The following CADPS2 variants were observed in gnomAD, a reference collection of about 807,000 sequenced individuals.
CADPS2 encodes calcium dependent secretion activator 2, also known as calcium-dependent secretion activator 2.
CADPS2 carries 93 observed loss-of-function variants against 172.5 expected under a neutral mutation model. The observed-to-expected ratio is 0.54, with a 90% CI of 0.46 to 0.64. CADPS2 has a LOEUF of 0.64. CADPS2 is among the 30% of genes least tolerant of loss of function. The pLI, the probability that CADPS2 is intolerant of heterozygous loss-of-function variation, is 0.00. For synonymous variants in CADPS2, 546 were observed against 555.2 expected (o/e 0.98, Z 0.23); for missense variants, 1,420 against 1,565.9 (o/e 0.91, Z 1.57).
intron 19 of CADPS2, among the ~76,000 whole-genome samples, chr7:122,410,713 G>C (rs992651968): frequency 4.3e-5 from 6 of 140,158 alleles, no homozygotes; most frequent in Non-Finnish European, 9.6e-5. Context: ...ACCGCAATCA[G>C]TAATTACAAA....
chr7:122,550,491 CTCATAGATCATGG>C (rs1180485165), intron 8 of CADPS2, among the ~76,000 whole-genome samples: 1 of 152,130 alleles, frequency 6.6e-6, no homozygotes, highest in East Asian at 1.9e-4. Context: ...ATGCAGACTT[CTCATAGATCATGG>C]TCATAATGCT....
intron 5 of CADPS2, 32 bp from the exon 6 acceptor site, chr7:122,615,331 C>G (rs1015438126): frequency 7.4e-7 from 1 of 1,359,346 alleles, no homozygotes; most frequent in African/African-American, 1.4e-5. Flanking sequence ...AATAATGCAT[C>G]AAGTTGATAA....
chr7:122,373,271 T>C (rs1384436985), intron 25 of CADPS2, among the ~76,000 whole-genome samples: 2 of 152,032 alleles, frequency 1.3e-5, no homozygotes, highest in Non-Finnish European at 2.9e-5. Context: ...TGGCTCATGG[T>C]TCCCTATTGT....
intron 7 of CADPS2, among the ~76,000 whole-genome samples, chr7:122,573,655 G>T (rs1213826132): frequency 6.6e-6 from 1 of 152,056 alleles, no homozygotes; most frequent in Non-Finnish European, 1.5e-5. Flanking sequence ...TACCCAAAAT[G>T]TACTTTGTAC....
intron 6 of CADPS2, among the ~76,000 whole-genome samples, chr7:122,599,064 T>A (rs1321625418): frequency 6.6e-6 from 1 of 151,990 alleles, no homozygotes; most frequent in East Asian, 1.9e-4. Flanking sequence ...AGGTGCAGAA[T>A]GAAAGGAAGG....
chr7:122,591,932 G>A (rs1432727624), intron 6 of CADPS2, among the ~76,000 whole-genome samples: 2 of 152,082 alleles, frequency 1.3e-5, no homozygotes, highest in Non-Finnish European at 2.9e-5. Flanking sequence ...CATGGACAAG[G>A]ACTTCATGTC....
chr7:122,541,816 CAT>C (rs370028127), intron 8 of CADPS2, among the ~76,000 whole-genome samples: 28 of 74,044 alleles, frequency 3.8e-4, no homozygotes, highest in Non-Finnish European at 5.1e-4. Flanking sequence ...TTTATATATT[CAT>C]ATGTTTATAT....
chr7:122,804,169 ACTTAGTTTC>A (rs1216610975), intron 1 of CADPS2, among the ~76,000 whole-genome samples: 1 of 152,090 alleles, frequency 6.6e-6, no homozygotes, highest in Admixed American at 6.6e-5. Flanking sequence ...ATCCTAGCCC[ACTTAGTTTC>A]CTTTCCCCGC....
intron 2 of CADPS2, among the ~76,000 whole-genome samples, chr7:122,727,479 A>C (rs368667467): frequency 8.0e-4 from 122 of 151,706 alleles, no homozygotes; most frequent in African/African-American, 2.9e-3. Flanking sequence ...TTAAGAATAT[A>C]CAAGCAGAAG....
chr7:122,856,689 G>A (rs1815339824), intron 1 of CADPS2, among the ~76,000 whole-genome samples: 3 of 152,006 alleles, frequency 2.0e-5, no homozygotes, highest in Admixed American at 6.6e-5. Context: ...AAAACAAGTA[G>A]ATACAAAGTA....
At chr7:122,606,859 T>C (rs1013741065) in intron 6 of CADPS2, among the ~76,000 whole-genome samples, 1 of 152,098 alleles carries the variant, frequency 6.6e-6, no homozygotes, top group Non-Finnish European at 1.5e-5. Context: ...TCTATATTAT[T>C]AAATCAGTAG....
At chr7:122,498,422 GT>G (rs1445501275) in intron 9 of CADPS2, among the ~76,000 whole-genome samples, 1 of 152,034 alleles carries the variant, frequency 6.6e-6, no homozygotes, top group Non-Finnish European at 1.5e-5. Context: ...CTGTTTAAAT[GT>G]TGCCTCTGTC....
intron 28 of CADPS2, among the ~76,000 whole-genome samples, chr7:122,344,605 T>C (rs1585140904): frequency 6.6e-6 from 1 of 152,168 alleles, no homozygotes; most frequent in African/African-American, 2.4e-5. Flanking sequence ...TGTTCAACAG[T>C]AGAGTGGCAG....
At chr7:122,720,360 T>G (rs1447282393) in intron 2 of CADPS2, among the ~76,000 whole-genome samples, 4 of 151,708 alleles carry the variant, frequency 2.6e-5, no homozygotes, top group Non-Finnish European at 5.9e-5. Context: ...TAAATATACT[T>G]TGACAATAAA....
chr7:122,566,258 T>C (rs897301516), intron 7 of CADPS2, among the ~76,000 whole-genome samples: 1 of 152,158 alleles, frequency 6.6e-6, no homozygotes, highest in Non-Finnish European at 1.5e-5. Flanking sequence ...ATCAACAAGA[T>C]AAAAGATAAG....
chr7:122,650,137 C>T lies in CADPS2; in HGVS notation c.786+13100G>A, dbSNP rs535388996. 5.3e-5 allele frequency among the ~76,000 whole-genome samples: 8 copies of T among 151,126 alleles called. No homozygotes were observed. In the South Asian group the frequency reaches 6.3e-4, roughly 12 times the overall value. On this transcript the variant is annotated intron_variant, in intron 3 of 29. Coordinates refer to ENST00000449022, the MANE Select transcript of CADPS2 (RefSeq NM_017954.11). ...GTTGGCCAGGCTGGTCTGGAACTCC[C>T]GACCTCAAGTGATCCACCCACCTCA...
intron 6 of CADPS2, among the ~76,000 whole-genome samples, chr7:122,593,707 C>T (rs1463410834): frequency 1.3e-5 from 2 of 151,506 alleles, no homozygotes; most frequent in African/African-American, 4.9e-5. Flanking sequence ...AATGGTGACA[C>T]TAAAATCCAG....
chr7:122,645,338 CAT>C (rs2078241779), intron 3 of CADPS2, among the ~76,000 whole-genome samples: 1 of 97,726 alleles, frequency 1.0e-5, no homozygotes, highest in African/African-American at 3.7e-5. Context: ...TATATACACA[CAT>C]GTACATGTGT....
intron 1 of CADPS2, among the ~76,000 whole-genome samples, chr7:122,823,440 C>T (rs1803972234): frequency 6.6e-6 from 1 of 151,942 alleles, no homozygotes; most frequent in African/African-American, 2.4e-5. Flanking sequence ...TTACCCCCTG[C>T]CCCCAGACAG....
Sources: gnomAD v4.1 joint callset for allele counts (sites outside exome capture counted in the v4.1 genomes callset) on GRCh38, gnomAD v4.1.1 for gene constraint, MANE v1.5 for transcripts, NCBI Gene and HGNC (gene_info 2026-07-23, HGNC 2026-07-21) for gene names.